Variants in CARS1 observed in about 807,000 individuals in gnomAD.
CARS1 encodes the protein cysteinyl-tRNA synthetase 1, also known as cysteine--tRNA ligase, cytoplasmic.
A neutral mutation model predicts 106.2 loss-of-function variants in CARS1; 48 were observed. The ratio of observed to expected loss-of-function variants is 0.45; its 90% CI spans 0.36 to 0.57. The LOEUF is 0.57. CARS1 is among the 20% of genes least tolerant of loss of function. The pLI is 0.00. For missense variants in CARS1, 968 were observed against 1,057.2 expected (o/e 0.92, Z 1.17); for synonymous variants, 409 against 403.4 (o/e 1.01, Z -0.17).
chr11:3,052,245 C>T lies in CARS1; in HGVS notation c.26-4244G>A, dbSNP rs1223702811. ...CGCCCTCCAGGGCTGAGTACCTACA[C>T]TCACACACACGGCGGCATTTCCTCA... On this transcript the variant is annotated intron_variant, in intron 1 of 22. Transcript: ENST00000380525. The surrounding 1 kb of genome is among the most constrained non-coding windows in gnomAD (Gnocchi z 4.6). Among the ~76,000 whole-genome samples the T allele has an allele frequency of 6.6e-6, 1 of 152,252 alleles. No homozygotes were observed. The highest frequency in any genetic ancestry group is 1.5e-5 in the Non-Finnish European group (1 of 68,048).
At position 3,030,174 on chromosome 11, in the gene CARS1, C is replaced by G. The variant is rs402276; in HGVS notation, c.802-731G>C. The stretch of plus-strand genomic sequence containing the variant: ...TGACACCAAGCAGATGGTCTGTGGC[C>G]TACTATGGGAAGGGGAGGCAAAGAA... On this transcript the variant is annotated intron_variant, in intron 7 of 22. Coordinates refer to ENST00000380525, the MANE Select transcript of CARS1 (RefSeq NM_001014437.3). This position sits in a 1 kb window ranked among gnomAD's most constrained non-coding sequence, Gnocchi z 5.7. 0.4 allele frequency: 60,279 copies of G among 151,868 alleles called. 12,211 individuals carry two copies. Among genetic ancestry groups the G allele is most frequent in the African/African-American group, 0.42 (17,279 of 41,302 alleles). 9.4% of individuals were successfully genotyped at this position (151,868 alleles called of 1,614,324 possible).
In CARS1 at chr11:3,019,033, A is replaced by G; in HGVS notation, c.1395+106T>C. 1 of 1,313,648 alleles carries G rather than the reference A, an allele frequency of 7.6e-7. No individual in the cohort carries two copies. Among genetic ancestry groups the G allele is most frequent in the Non-Finnish European group, 1.0e-6 (1 of 962,160 alleles). The allele number at this position is 1,313,648 out of a possible 1,614,324, so 81.4% of individuals were successfully genotyped here. On this transcript the variant is annotated intron_variant, in intron 12 of 22. Transcript: ENST00000380525. The surrounding 1 kb of genome is among the most constrained non-coding windows in gnomAD (Gnocchi z 6.2). Reference sequence around the variant, plus strand: ...ACCCACAAGCCCCGATGAAGGTGTCAAGTTCTAGTGAGAGAGGCCCTTCTG... The same window carrying G: ...ACCCACAAGCCCCGATGAAGGTGTCGAGTTCTAGTGAGAGAGGCCCTTCTG...
At chr11:3,016,425 GTGTTAGTCAGGA>G (rs1284564566) in intron 16 of CARS1, among the ~76,000 whole-genome samples, 1 of 151,744 alleles carries the variant, frequency 6.6e-6, no homozygotes, top group Non-Finnish European at 1.5e-5. Flanking sequence ...GGGTTTCACC[GTGTTAGTCAGGA>G]TGGTCTCCAT....
chr11:3,005,322 A>G, intron 20 of CARS1, 44 bp downstream of exon 20: 1 of 1,435,026 alleles, frequency 7.0e-7, no homozygotes, highest in Non-Finnish European at 9.8e-7. Context: ...TGGTTTTTAC[A>G]TTTTCAACAA....
intron 2 of CARS1, among the ~76,000 whole-genome samples, chr11:3,047,232 G>A (rs1451604796): frequency 7.1e-5 from 10 of 141,084 alleles, no homozygotes; most frequent in Admixed American, 6.0e-4. Flanking sequence ...AGTGGAGATC[G>A]CACCACTGCA....
Position 3,045,594 on chromosome 11 carries a change from T to C in CARS1, c.274+2159A>G, listed in dbSNP as rs1057171519. On this transcript the variant is annotated intron_variant, in intron 2 of 22. Coordinates refer to ENST00000380525, the MANE Select transcript of CARS1 (RefSeq NM_001014437.3). This position sits in a 1 kb window ranked among gnomAD's most constrained non-coding sequence, Gnocchi z 5.6. ...GAGTCTTTCCATGTCTGAGAGGATC[T>C]TGGAGACAGGACACAGAAGGCACAT... Among the ~76,000 whole-genome samples, 6 of 151,690 alleles carry C rather than the reference T, an allele frequency of 4.0e-5. No individual in the cohort carries two copies. In the East Asian group the frequency reaches 1.2e-3, roughly 29 times the overall value.
Position 3,038,273 on chromosome 11 carries a change from G to T in CARS1, c.652-74C>A. 1 of 1,402,360 alleles carries T rather than the reference G, an allele frequency of 7.1e-7. No homozygotes were observed. The highest frequency in any genetic ancestry group is 1.0e-6 in the Non-Finnish European group (1 of 1,001,428). 86.9% of individuals were successfully genotyped at this position (1,402,360 alleles called of 1,614,324 possible). A position where few individuals can be genotyped will look rare whatever the true frequency, so the allele number is the denominator to read the frequency against. On this transcript the variant is annotated intron_variant, in intron 6 of 22. Coordinates refer to ENST00000380525, the MANE Select transcript of CARS1 (RefSeq NM_001014437.3). The surrounding 1 kb of genome is among the most constrained non-coding windows in gnomAD (Gnocchi z 4.0). ...CCTAAATTCATAAAGGTGATTCCAG[G>T]TAGAAAACAGAACGGTTTTTCCCAT...
chr11:3,029,613 A>C lies in CARS1; in HGVS notation c.802-170T>G. ...GTGATGCTTACACAACTGGCTCGGC[A>C]GGGACAAATACAAGACTCTACAAAT... On this transcript the variant is annotated intron_variant, in intron 7 of 22. Transcript: ENST00000380525. The surrounding 1 kb of genome is among the most constrained non-coding windows in gnomAD (Gnocchi z 5.9). The C allele has an allele frequency of 1.5e-6, 1 of 646,552 alleles. No homozygotes were observed. Among genetic ancestry groups the C allele is most frequent in the Non-Finnish European group, 2.6e-6 (1 of 382,216 alleles). The allele number at this position is 646,552 out of a possible 1,614,324, so 40.1% of individuals were successfully genotyped here.
At chr11:3,047,180 G>A (rs1218780742) in intron 2 of CARS1, among the ~76,000 whole-genome samples, 3 of 151,418 alleles carry the variant, frequency 2.0e-5, no homozygotes, top group East Asian at 3.9e-4. Flanking sequence ...GGGAGGCTGA[G>A]GCAGGAGAAT....
At chr11:3,010,827 C>G (rs953781437) in intron 18 of CARS1, among the ~76,000 whole-genome samples, 3 of 152,246 alleles carry the variant, frequency 2.0e-5, no homozygotes, top group African/African-American at 7.2e-5. Flanking sequence ...CAAGGTGCAG[C>G]TTCTCCTAGA....
In CARS1 at chr11:3,003,523, G is replaced by A. The variant is rs1849587828; in HGVS notation, c.2218-923C>T. Among the ~76,000 whole-genome samples the A allele has an allele frequency of 6.6e-6, 1 of 152,188 alleles. No individual in the cohort carries two copies. Among genetic ancestry groups the A allele is most frequent in the Non-Finnish European group, 1.5e-5 (1 of 68,040 alleles). On this transcript the variant is annotated intron_variant, in intron 20 of 22. Transcript: ENST00000380525. The surrounding 1 kb of genome is among the most constrained non-coding windows in gnomAD (Gnocchi z 4.8). ...CTACAAGATAGATGGTGGAGAAGCCGCAGGACCAGATAAGGTCTCCTGGGG... is the reference window on the plus strand; with the variant it reads ...CTACAAGATAGATGGTGGAGAAGCCACAGGACCAGATAAGGTCTCCTGGGG...
At position 3,020,177 on chromosome 11, in the gene CARS1, G is replaced by T; in HGVS notation, c.1266+43C>A. The T allele has an allele frequency of 8.5e-7, 1 of 1,176,176 alleles. No homozygotes were observed. The highest frequency in any genetic ancestry group is 1.3e-6 in the Non-Finnish European group (1 of 780,940). 72.9% of individuals were successfully genotyped at this position (1,176,176 alleles called of 1,614,324 possible). ...GGGCCTGAGAGTGTGGCTGGCGCCAGTGCCCCTGTCCAAGCCCCACACCTT... is the reference window on the plus strand; with the variant it reads ...GGGCCTGAGAGTGTGGCTGGCGCCATTGCCCCTGTCCAAGCCCCACACCTT... On this transcript the variant is annotated intron_variant, in intron 11 of 22. Coordinates refer to ENST00000380525, the MANE Select transcript of CARS1 (RefSeq NM_001014437.3). This position sits in a 1 kb window ranked among gnomAD's most constrained non-coding sequence, Gnocchi z 4.6.
At position 3,041,456 on chromosome 11, in the gene CARS1, G is replaced by A. The variant is rs1288333931; in HGVS notation, c.367-472C>T. 2.6e-5 allele frequency among the ~76,000 whole-genome samples: 4 copies of A among 152,080 alleles called. No individual in the cohort carries two copies. The highest frequency in any genetic ancestry group is 6.6e-5 in the Admixed American group (1 of 15,264). ...GGGTCAGTCCCTGTTGGGGGAGCGC[G>A]GCTTGGAGGCCAGGACCCCTGAATC... On this transcript the variant is annotated intron_variant, in intron 3 of 22. Transcript: ENST00000380525. This position sits in a 1 kb window ranked among gnomAD's most constrained non-coding sequence, Gnocchi z 4.9.
At position 3,020,928 on chromosome 11, in the gene CARS1, C is replaced by A. The variant is rs1329752860; in HGVS notation, c.1154-596G>T. 6.6e-6 allele frequency among the ~76,000 whole-genome samples: 1 copy of A among 152,104 alleles called. No individual in the cohort carries two copies. On this transcript the variant is annotated intron_variant, in intron 10 of 22. Coordinates refer to ENST00000380525, the MANE Select transcript of CARS1 (RefSeq NM_001014437.3). The surrounding 1 kb of genome is among the most constrained non-coding windows in gnomAD (Gnocchi z 4.6). ...TAGGTGAAGGAAACTAAAGAATAGT[C>A]CAGGAAGGCCATAAGAAAAGGGGAG...
In CARS1 at chr11:3,004,931, C is replaced by A. The variant is rs185274072; in HGVS notation, c.2217+435G>T. Among the ~76,000 whole-genome samples, 2,762 of 152,054 alleles carry A rather than the reference C, an allele frequency of 0.018. 84 individuals are homozygous for A. The highest frequency in any genetic ancestry group is 0.063 in the African/African-American group (2,620 of 41,438). ...GACCAGCCTGACCAACATGGTGAAA[C>A]CCCATCTCTACTAAAAAAATACAAA... On this transcript the variant is annotated intron_variant, in intron 20 of 22. Coordinates refer to ENST00000380525, the MANE Select transcript of CARS1 (RefSeq NM_001014437.3). This position sits in a 1 kb window ranked among gnomAD's most constrained non-coding sequence, Gnocchi z 5.2.
At chr11:3,005,251 T>C in intron 20 of CARS1, 115 bp downstream of exon 20, 1 of 715,536 alleles carries the variant, frequency 1.4e-6, no homozygotes, top group Non-Finnish European at 2.3e-6. Flanking sequence ...TTATAAATAC[T>C]GGGATTTTAA....
At chr11:3,042,819 A>G (rs1489460902) in intron 2 of CARS1, among the ~76,000 whole-genome samples, 1 of 152,144 alleles carries the variant, frequency 6.6e-6, no homozygotes, top group Non-Finnish European at 1.5e-5. Flanking sequence ...GACAGAGGCC[A>G]CCTCCAAGCC....
chr11:3,052,280 A>G lies in CARS1; in HGVS notation c.26-4279T>C, dbSNP rs1855778213. Among the ~76,000 whole-genome samples, 1 of 152,166 alleles carries G rather than the reference A, an allele frequency of 6.6e-6. No homozygotes were observed. The highest frequency in any genetic ancestry group is 2.4e-5 in the African/African-American group (1 of 41,446). ...CGGCGGCATTTCCTCACGGTAAAAC[A>G]CGCTCATAACATCAGCCCTGTAAAG... On this transcript the variant is annotated intron_variant, in intron 1 of 22. Coordinates refer to ENST00000380525, the MANE Select transcript of CARS1 (RefSeq NM_001014437.3). The surrounding 1 kb of genome is among the most constrained non-coding windows in gnomAD (Gnocchi z 4.6).
chr11:3,015,544 G>A (rs1176923308), intron 17 of CARS1, among the ~76,000 whole-genome samples: 1 of 152,258 alleles, frequency 6.6e-6, no homozygotes, highest in Non-Finnish European at 1.5e-5. Context: ...TCATGGGACA[G>A]CACAATGGCA....
Sources: gnomAD v4.1 joint callset for allele counts (sites outside exome capture counted in the v4.1 genomes callset) on GRCh38, gnomAD v4.1.1 for gene constraint, Gnocchi (gnomAD v3.1) non-coding constraint, MANE v1.5 for transcripts, NCBI Gene and HGNC (gene_info 2026-07-23, HGNC 2026-07-21) for gene names.